The following SLC25A20 variants were observed in gnomAD, a reference collection of about 807,000 sequenced individuals.
The protein encoded by SLC25A20 is mitochondrial carnitine/acylcarnitine carrier protein.
Under a neutral mutation model 39.7 loss-of-function variants are expected in SLC25A20, and 29 were observed. That is an observed-to-expected ratio of 0.73 (90% CI 0.54 to 1.00). The LOEUF is 1.00. Among genes scored for constraint, SLC25A20 ranks in the 50% least tolerant of loss-of-function variants. The pLI, the probability that SLC25A20 is intolerant of heterozygous loss-of-function variation, is 0.00. For missense variants in SLC25A20, 333 were observed against 379.9 expected (o/e 0.88, Z 1.03); for synonymous variants, 103 against 142.2 (o/e 0.72, Z 1.96).
intron 5 of SLC25A20, among the ~76,000 whole-genome samples, chr3:48,862,044 AAT>A (rs2083631983): frequency 6.6e-6 from 1 of 152,170 alleles, no homozygotes; most frequent in South Asian, 2.1e-4. Context: ...ATAAAATAAA[AAT>A]AAGTAAAAAA....
At chr3:48,860,811 GTATTAT>G (rs927606962) in intron 5 of SLC25A20, among the ~76,000 whole-genome samples, 1 of 146,624 alleles carries the variant, frequency 6.8e-6, no homozygotes, top group Non-Finnish European at 1.5e-5. Context: ...AAAGAATATA[GTATTAT>G]TATTATTATT....
chr3:48,861,610 C>A (rs1298242136), intron 5 of SLC25A20, among the ~76,000 whole-genome samples: 2 of 151,784 alleles, frequency 1.3e-5, no homozygotes, highest in African/African-American at 2.4e-5. Context: ...ACCTGTAACC[C>A]CAGCTACTCA....
chr3:48,860,341 G>A (rs753516512), intron 5 of SLC25A20, among the ~76,000 whole-genome samples: 4 of 145,934 alleles, frequency 2.7e-5, no homozygotes, highest in African/African-American at 1.0e-4. Flanking sequence ...ATGGCCAAGC[G>A]TGGTGGCTCA....
At position 48,859,567 on chromosome 3, in the gene SLC25A20, G is replaced by A. The variant is rs775269347; in HGVS notation, c.596C>T (p.Pro199Leu). The A allele has an allele frequency of 1.6e-5, 26 of 1,613,758 alleles. No homozygotes were observed. The highest frequency in any genetic ancestry group is 3.3e-5 in the South Asian group (3 of 91,074). The change falls in exon 6 of 9, where the codon CCG becomes CTG. Residue 199 changes from proline to leucine, a missense_variant. Pro to Leu is a moderately conservative substitution (Grantham distance 98). Transcript: ENST00000319017. ...TYEWLKNIFT[P>L]EGKRVSELSA... ...ATGTTTTCCTCACCTCTTTCCCTCC[G>A]GAGTGAAGATATTTTTCAGCCATTC... is the stretch of plus-strand genomic sequence containing the variant.
intron 2 of SLC25A20, among the ~76,000 whole-genome samples, chr3:48,889,953 G>T (rs1297060613): frequency 6.6e-6 from 1 of 152,190 alleles, no homozygotes; most frequent in South Asian, 2.1e-4. Context: ...CCGCATAAGG[G>T]CCGCTTGAGG....
intron 4 of SLC25A20, among the ~76,000 whole-genome samples, chr3:48,875,341 T>C (rs1041809325): frequency 3.3e-5 from 5 of 152,010 alleles, no homozygotes; most frequent in Non-Finnish European, 7.4e-5. Flanking sequence ...GACCTCGTGA[T>C]CCACCCCCTC....
intron 1 of SLC25A20, among the ~76,000 whole-genome samples, chr3:48,897,072 T>C (rs1318046521): frequency 2.3e-5 from 3 of 129,826 alleles, no homozygotes; most frequent in Admixed American, 9.6e-5. Flanking sequence ...TTTTTCTTCT[T>C]CTCCTTTTTT....
intron 4 of SLC25A20, among the ~76,000 whole-genome samples, chr3:48,874,161 G>A (rs889662862): frequency 6.7e-5 from 10 of 150,008 alleles, no homozygotes; most frequent in African/African-American, 1.7e-4. Context: ...GCATGATGGC[G>A]CATGCCTGTA....
chr3:48,896,198 T>G (rs551889078), intron 1 of SLC25A20, among the ~76,000 whole-genome samples: 2 of 152,056 alleles, frequency 1.3e-5, no homozygotes, highest in East Asian at 3.9e-4. Flanking sequence ...TTTTTTCTTT[T>G]GAGACAGTGT....
intron 2 of SLC25A20, among the ~76,000 whole-genome samples, chr3:48,886,847 T>A (rs1472829888): frequency 2.0e-5 from 3 of 152,084 alleles, no homozygotes; most frequent in East Asian, 1.9e-4. Flanking sequence ...TACAAAAAAA[T>A]TTTAAAGTTT....
At chr3:48,870,591 G>A (rs1184699987) in intron 4 of SLC25A20, among the ~76,000 whole-genome samples, 5 of 129,536 alleles carry the variant, frequency 3.9e-5, no homozygotes, top group Non-Finnish European at 7.8e-5. Flanking sequence ...ACAGTATCTC[G>A]ACTTTGTCAT....
chr3:48,893,250 T>G (rs1338163954), intron 1 of SLC25A20, among the ~76,000 whole-genome samples: 1 of 152,086 alleles, frequency 6.6e-6, no homozygotes, highest in Non-Finnish European at 1.5e-5. Context: ...ATCTAACTTT[T>G]TTTTTTAAGC....
chr3:48,857,913 C>A, intron 8 of SLC25A20, 141 bp from the exon 9 acceptor site: 1 of 672,270 alleles, frequency 1.5e-6, no homozygotes, highest in Non-Finnish European at 2.7e-6. Flanking sequence ...GATGCAAGCT[C>A]TACTCTCTCA....
Position 48,882,862 on chromosome 3 carries a change from C to T in SLC25A20, c.326+1135G>A, listed in dbSNP as rs112861439. The stretch of plus-strand genomic sequence containing the variant: ...CGTGATTGCACCACTGCATTCCAGC[C>T]TGGGTGACAAAGAAAGACCCCATCT... On this transcript the variant is annotated intron_variant, in intron 3 of 8. Transcript: ENST00000319017. Among the ~76,000 whole-genome samples the T allele has an allele frequency of 6.4e-3, 971 of 152,120 alleles. 15 individuals are homozygous for T. Among genetic ancestry groups the T allele is most frequent in the African/African-American group, 0.022 (920 of 41,514 alleles).
Position 48,862,628 on chromosome 3 carries a change from G to T in SLC25A20, c.449C>A (p.Thr150Asn). 6.2e-7 allele frequency: 1 copy of T among 1,613,902 alleles called. No individual in the cohort carries two copies. The highest frequency in any genetic ancestry group is 1.3e-5 in the African/African-American group (1 of 75,042). The stretch of plus-strand genomic sequence containing the variant: ...CTTCTTTGCACAGTCCAAGGTACCA[G>T]TGTACTTGCTTTCTCCTGAAGAAGC... ...IQASSGESKY[T>N]GTLDCAKKLY... Residue 150 changes from threonine to asparagine, a missense_variant, in exon 5 of 9, where the codon ACT becomes AAT. Thr to Asn is a moderately conservative substitution (Grantham distance 65, BLOSUM62 0). Coordinates refer to ENST00000319017, the MANE Select transcript of SLC25A20 (RefSeq NM_000387.6).
At chr3:48,865,470 C>T (rs950161909) in intron 4 of SLC25A20, among the ~76,000 whole-genome samples, 50 of 151,650 alleles carry the variant, frequency 3.3e-4, no homozygotes, top group African/African-American at 1.1e-3. Context: ...GTCTAAAAGT[C>T]ATGAGACAAG....
At chr3:48,876,968 C>T (rs772411429) in intron 4 of SLC25A20, among the ~76,000 whole-genome samples, 1 of 151,682 alleles carries the variant, frequency 6.6e-6, no homozygotes, top group Non-Finnish European at 1.5e-5. Flanking sequence ...TGGTGGTGGG[C>T]GCCTGTAGTC....
chr3:48,859,749 G>A (rs2083609784), intron 5 of SLC25A20, 122 bp from the exon 6 acceptor site: 4 of 791,554 alleles, frequency 5.1e-6, no homozygotes, highest in Admixed American at 1.9e-5. Flanking sequence ...AGGCCAGGAG[G>A]TCCGCGCTTG....
rs115846927 is a variant in SLC25A20 at position 48,895,867 on chromosome 3, C to T, written c.105+2823G>A. ...TCAAAGCTTCTGACTAGACCAGGTA[C>T]AGTGGCTCACACCTATAATCCCAGC... On this transcript the variant is annotated intron_variant, in intron 1 of 8. Transcript: ENST00000319017. 2,194 of 454,408 alleles carry T rather than the reference C, an allele frequency of 4.8e-3. 36 individuals are homozygous for T. The highest frequency in any genetic ancestry group is 0.039 in the African/African-American group (1,953 of 50,052). The allele number at this position is 454,408 out of a possible 1,614,324, so 28.1% of individuals were successfully genotyped here.
Sources: gnomAD v4.1 joint callset for allele counts (sites outside exome capture counted in the v4.1 genomes callset) on GRCh38, gnomAD v4.1.1 for gene constraint, MANE v1.5 for transcripts, NCBI Gene and HGNC (gene_info 2026-07-23, HGNC 2026-07-21) for gene names.